Variants in MINK1 observed in about 807,000 individuals in gnomAD.
The protein encoded by MINK1 is misshapen like kinase 1.
In MINK1, 46 loss-of-function variants were observed where a neutral mutation model predicts 178.4. The ratio of observed to expected loss-of-function variants is 0.26; its 90% CI spans 0.20 to 0.33. The LOEUF is 0.33. Ranked by LOEUF, MINK1 falls within the 10% of genes least tolerant of loss-of-function variation. The pLI, the probability that MINK1 is intolerant of heterozygous loss-of-function variation, is 1.00. For synonymous variants in MINK1, 797 were observed against 709.7 expected, an observed-to-expected ratio of 1.12 and a Z score of -1.96; for missense variants, 1,366 against 1,814.9, an observed-to-expected ratio of 0.75 and a Z score of 4.49.
At chr17:4,859,394 T>G (rs1439856251) in intron 1 of MINK1, 7 of 796,970 alleles carry the variant, frequency 8.8e-6, no homozygotes, top group Non-Finnish European at 1.1e-5. Context: ...ACTCTTTATA[T>G]TTTAGCATAT....
At chr17:4,873,337 C>T (rs1966884524) in intron 1 of MINK1, among the ~76,000 whole-genome samples, 1 of 147,456 alleles carries the variant, frequency 6.8e-6, no homozygotes, top group African/African-American at 2.5e-5. Flanking sequence ...AGCCTGTTCT[C>T]CCACAGCACA....
At position 4,863,108 on chromosome 17, in the gene MINK1, CT is replaced by C. The variant is rs1271175411; in HGVS notation, c.58-15207del. Among the ~76,000 whole-genome samples, 3 of 152,222 alleles carry C rather than the reference CT, an allele frequency of 2.0e-5. No homozygotes were observed. In the South Asian group the frequency reaches 6.2e-4, roughly 32 times the overall value. The stretch of plus-strand genomic sequence containing the variant: ...AAAGAAAAGAGAAAAGAAAAAGAAT[CT>C]TGTTCGAACCTAGGCACCTGAATGG... On this transcript the variant is annotated intron_variant, in intron 1 of 31. Transcript: ENST00000355280.
chr17:4,836,159 T>A lies in MINK1; in HGVS notation c.57+2519T>A, dbSNP rs1237209670. Reference sequence around the variant, plus strand: ...CTGTTTTCCAGTGAGAAATGGTGTCTCCCTTTACTACACCATCTTGTGTTG... The same window carrying A: ...CTGTTTTCCAGTGAGAAATGGTGTCACCCTTTACTACACCATCTTGTGTTG... On this transcript the variant is annotated intron_variant, in intron 1 of 31. Coordinates refer to ENST00000355280, the MANE Select transcript of MINK1 (RefSeq NM_153827.5). This position sits in a 1 kb window ranked among gnomAD's most constrained non-coding sequence, Gnocchi z 4.3. Among the ~76,000 whole-genome samples, 2 of 152,146 alleles carry A rather than the reference T, an allele frequency of 1.3e-5. No individual in the cohort carries two copies. The highest frequency in any genetic ancestry group is 4.8e-5 in the African/African-American group (2 of 41,436).
chr17:4,846,865 C>T (rs1277421208), intron 1 of MINK1, among the ~76,000 whole-genome samples: 6 of 152,142 alleles, frequency 3.9e-5, no homozygotes, highest in African/African-American at 1.4e-4. Flanking sequence ...TGCCAGCAGT[C>T]GGCCAAGGCC....
In MINK1 at chr17:4,896,625, A is replaced by C. The variant is rs1455870204; in HGVS notation, c.3775+37A>C. 1.9e-6 allele frequency: 3 copies of C among 1,611,830 alleles called. No homozygotes were observed. Among genetic ancestry groups the C allele is most frequent in the South Asian group, 1.1e-5 (1 of 90,946 alleles). On this transcript the variant is annotated intron_variant, in intron 30 of 31. Coordinates refer to ENST00000355280, the MANE Select transcript of MINK1 (RefSeq NM_153827.5). This position sits in a 1 kb window ranked among gnomAD's most constrained non-coding sequence, Gnocchi z 4.6. ...GCCGCCCTCCCAGCCACATGCCCCG[A>C]GGTGGCCCCGGGGTGCAGCCTGCTC...
chr17:4,895,061 C>A lies in MINK1; in HGVS notation c.2918-14C>A, dbSNP rs1006779400. The stretch of plus-strand genomic sequence containing the variant: ...GCTGCAGCCCCTCCTCCCACCTCCT[C>A]CTCCTTCTGGCAGCCCTAGTGGGTG... On this transcript the variant is annotated splice_polypyrimidine_tract_variant and intron_variant, in intron 24 of 31. Coordinates refer to ENST00000355280, the MANE Select transcript of MINK1 (RefSeq NM_153827.5). This position sits in a 1 kb window ranked among gnomAD's most constrained non-coding sequence, Gnocchi z 4.3. The A allele has an allele frequency of 2.5e-6, 4 of 1,612,756 alleles. No individual in the cohort carries two copies.
chr17:4,888,401 G>C (rs1968422477), intron 12 of MINK1, among the ~76,000 whole-genome samples: 1 of 151,882 alleles, frequency 6.6e-6, no homozygotes, highest in Non-Finnish European at 1.5e-5. Context: ...TTGGGAGTCG[G>C]AGGATGGGGG....
At chr17:4,892,311 C>A in intron 17 of MINK1, 77 bp downstream of exon 17, 1 of 1,474,338 alleles carries the variant, frequency 6.8e-7, no homozygotes, top group South Asian at 1.2e-5. Context: ...GGGACTTTAC[C>A]AGCCTACCCG....
intron 1 of MINK1, among the ~76,000 whole-genome samples, chr17:4,839,949 G>A (rs1214052374): frequency 6.0e-5 from 3 of 49,950 alleles, no homozygotes; most frequent in African/African-American, 1.6e-4. Context: ...ATGTGTGTGT[G>A]TGTGTGTGTG....
intron 1 of MINK1, among the ~76,000 whole-genome samples, chr17:4,844,184 A>G (rs1458552110): frequency 6.6e-6 from 1 of 151,988 alleles, no homozygotes; most frequent in African/African-American, 2.4e-5. Flanking sequence ...TATTTTTAGT[A>G]GAGACAGGGT....
In MINK1 at chr17:4,893,537, A is replaced by G. The variant is rs1387318590; in HGVS notation, c.2504A>G (p.Asp835Gly). ...SSSEEVESSE[D>G]DEEEGEGGPA... ...AGCGAGGAGGTGGAAAGCAGTGAGG[A>G]CGACGAGGAGGAAGGCGAAGGCGGG... The change falls in exon 21 of 32, where the codon GAC becomes GGC. Residue 835 changes from aspartate (D) to glycine (G), a missense_variant. This residue lies in a region of MINK1 where 709 missense variants were observed against 692.3 expected (regional missense o/e 1.02). Transcript: ENST00000355280. The G allele has an allele frequency of 6.3e-7, 1 of 1,595,194 alleles. No homozygotes were observed. Among genetic ancestry groups the G allele is most frequent in the East Asian group, 2.3e-5 (1 of 44,354 alleles).
In MINK1 at chr17:4,833,534, A is replaced by T; in HGVS notation, c.-50A>T. 2 of 1,448,638 alleles carry T rather than the reference A, an allele frequency of 1.4e-6. No individual in the cohort carries two copies. Among genetic ancestry groups the T allele is most frequent in the Non-Finnish European group, 1.8e-6 (2 of 1,087,958 alleles). 89.7% of individuals were successfully genotyped at this position (1,448,638 alleles called of 1,614,324 possible). A position where few individuals can be genotyped will look rare whatever the true frequency, so the allele number is the denominator to read the frequency against. On this transcript the variant is annotated 5_prime_UTR_variant, in exon 1 of 32. Coordinates refer to ENST00000355280, the MANE Select transcript of MINK1 (RefSeq NM_153827.5). This position sits in a 1 kb window ranked among gnomAD's most constrained non-coding sequence, Gnocchi z 4.8. ...GAAGCGGCGACGGCGGCAGTGGAGTAACCGAGCCGGAGCGTGAGCGGCCCC... is the reference window on the plus strand; with the variant it reads ...GAAGCGGCGACGGCGGCAGTGGAGTTACCGAGCCGGAGCGTGAGCGGCCCC...
intron 1 of MINK1, among the ~76,000 whole-genome samples, chr17:4,837,929 G>A (rs1007175562): frequency 6.6e-6 from 1 of 152,194 alleles, no homozygotes; most frequent in East Asian, 1.9e-4. Context: ...AAGTGTCTTC[G>A]CCTTCCTCCT....
chr17:4,864,650 G>A (rs1040150910), intron 1 of MINK1, among the ~76,000 whole-genome samples: 5 of 151,694 alleles, frequency 3.3e-5, no homozygotes, highest in Non-Finnish European at 4.4e-5. Context: ...GCTTGAACCC[G>A]GGAGATAGAT....
Position 4,833,662 on chromosome 17 carries a change from C to A in MINK1, c.57+22C>A. 6.7e-7 allele frequency: 1 copy of A among 1,485,294 alleles called. No homozygotes were observed. The highest frequency in any genetic ancestry group is 8.9e-7 in the Non-Finnish European group (1 of 1,123,118). 92.0% of individuals were successfully genotyped at this position (1,485,294 alleles called of 1,614,324 possible). A position where few individuals can be genotyped will look rare whatever the true frequency, so the allele number is the denominator to read the frequency against. On this transcript the variant is annotated intron_variant, in intron 1 of 31. Transcript: ENST00000355280. This position sits in a 1 kb window ranked among gnomAD's most constrained non-coding sequence, Gnocchi z 4.8. ...GCGGGTGAGCGCGCCGTCCCCCAGC[C>A]TCGCCCTGGTTCCTGTCCCCGCCGC...
intron 1 of MINK1, chr17:4,859,339 C>T (rs1050145616): frequency 3.1e-6 from 3 of 979,822 alleles, no homozygotes; most frequent in Non-Finnish European, 3.6e-6. Context: ...GTGAGGATAC[C>T]TTTTCCTAAC....
chr17:4,893,830 G>C (rs1432145002), intron 21 of MINK1, 158 bp from the exon 22 acceptor site: 1 of 858,900 alleles, frequency 1.2e-6, no homozygotes. Flanking sequence ...GCCATGCAGG[G>C]AAGCACCTCA....
At position 4,894,455 on chromosome 17, in the gene MINK1, G is replaced by A. The variant is rs953840499; in HGVS notation, c.2809-70G>A. On this transcript the variant is annotated intron_variant, in intron 23 of 31. Coordinates refer to ENST00000355280, the MANE Select transcript of MINK1 (RefSeq NM_153827.5). The surrounding 1 kb of genome is among the most constrained non-coding windows in gnomAD (Gnocchi z 4.1). Reference sequence around the variant, plus strand: ...GCCAGTTGGGGAGCTGGAGCCTGGGGAACAGCAGCAGGGGCAGGGCCGCAG... The same window carrying A: ...GCCAGTTGGGGAGCTGGAGCCTGGGAAACAGCAGCAGGGGCAGGGCCGCAG... 1 of 1,519,078 alleles carries A rather than the reference G, an allele frequency of 6.6e-7. No individual in the cohort carries two copies. The highest frequency in any genetic ancestry group is 1.4e-5 in the African/African-American group (1 of 72,634). The allele number at this position is 1,519,078 out of a possible 1,614,324, so 94.1% of individuals were successfully genotyped here.
At chr17:4,866,858 G>A (rs1043145364) in intron 1 of MINK1, among the ~76,000 whole-genome samples, 1 of 151,954 alleles carries the variant, frequency 6.6e-6, no homozygotes, top group Non-Finnish European at 1.5e-5. Context: ...CGGATCACGA[G>A]GTCAGGAGAT....
Sources: gnomAD v4.1 joint callset for allele counts (sites outside exome capture counted in the v4.1 genomes callset) on GRCh38, gnomAD v4.1.1 for gene constraint, gnomAD v4.1.1 regional missense constraint, Gnocchi (gnomAD v3.1) non-coding constraint, MANE v1.5 for transcripts, NCBI Gene and HGNC (gene_info 2026-07-23, HGNC 2026-07-21) for gene names.